STIL: variants seen among roughly 807,000 people sequenced by gnomAD.
STIL encodes STIL centriolar assembly protein, also known as SCL-interrupting locus protein.
In STIL, 55 loss-of-function variants were observed where a neutral mutation model predicts 110.1. That is an observed-to-expected ratio of 0.50 (90% confidence interval 0.40 to 0.63). STIL has a LOEUF of 0.63. STIL is among the 20% of genes least tolerant of loss of function. STIL has a pLI of 0.00. For synonymous variants in STIL, 481 were observed against 530.0 expected, an observed-to-expected ratio of 0.91 and a Z score of 1.27; for missense variants, 1,358 against 1,530.0, an observed-to-expected ratio of 0.89 and a Z score of 1.87.
At chr1:47,271,910 T>C (rs1557725123) in intron 13 of STIL, among the ~76,000 whole-genome samples, 166 bp downstream of exon 13, 1 of 152,154 alleles carries the variant, frequency 6.6e-6, no homozygotes, top group Non-Finnish European at 1.5e-5. Context: ...GCAGGTGTAG[T>C]TTTATTTCAC....
In STIL at chr1:47,289,501, A is replaced by G. The variant is rs767180130; in HGVS notation, c.957T>C (p.Cys319=). The G allele has an allele frequency of 2.0e-5, 32 of 1,613,760 alleles. No individual in the cohort carries two copies. Among genetic ancestry groups the G allele is most frequent in the Non-Finnish European group, 2.5e-5 (30 of 1,179,778 alleles). The change falls in exon 9 of 17, where the codon TGT becomes TGC. Residue 319 remains cysteine, a synonymous_variant. Transcript: ENST00000371877. The stretch of plus-strand genomic sequence containing the variant: ...ACCGAAAGTCAGGTATCTTGCCATC[A>G]CAAGGGAAGCATTCATAAAACTCAG... The part of the protein sequence containing the change: ...KEPEFYECFP[C]DGKIPDFRFQ...
chr1:47,301,406 G>A (rs1213158363), intron 5 of STIL, among the ~76,000 whole-genome samples, 155 bp downstream of exon 5: 1 of 152,036 alleles, frequency 6.6e-6, no homozygotes, highest in Non-Finnish European at 1.5e-5. Context: ...TAGAGTTTTT[G>A]CCCTCACAAA....
In STIL at chr1:47,265,254, A is replaced by AAAAAAAC. The variant is rs1412691079; in HGVS notation, c.2616-2145_2616-2139dup. On this transcript the variant is annotated intron_variant, in intron 14 of 16. Transcript: ENST00000371877. ...CCATCTCCCAAAAAAAAAAAAAAAA[A>AAAAAAAC]AAAAAACACAAGATTGGATATTTTT... Among the ~76,000 whole-genome samples, 5 of 150,930 alleles carry AAAAAAAC rather than the reference A, an allele frequency of 3.3e-5. 1 individual carries two copies. Among genetic ancestry groups the AAAAAAAC allele is most frequent in the Non-Finnish European group, 7.4e-5 (5 of 67,738 alleles).
chr1:47,263,476 G>A (rs1031693523), intron 14 of STIL, among the ~76,000 whole-genome samples: 2 of 152,188 alleles, frequency 1.3e-5, no homozygotes, highest in African/African-American at 2.4e-5. Context: ...CCAGGAATTC[G>A]AGGCTGCAGT....
chr1:47,289,894 C>T (rs991259086), intron 8 of STIL, among the ~76,000 whole-genome samples: 4 of 146,810 alleles, frequency 2.7e-5, no homozygotes, highest in South Asian at 4.3e-4. Context: ...GCCAAGATCG[C>T]GCCACTGCAC....
intron 9 of STIL, among the ~76,000 whole-genome samples, chr1:47,289,061 CAAAAAAAAAAAAAAA>C (rs371944423): frequency 2.4e-5 from 2 of 83,476 alleles, no homozygotes; most frequent in Non-Finnish European, 4.4e-5. Context: ...GATTCCATCT[CAAAAAAAAAAAAAAA>C]AAAAAAAAAA....
rs1265612895 is a variant in STIL at position 47,287,568 on chromosome 1, C to A, written c.1116G>T (p.Lys372Asn). ...AETEFFSKASKNFSIKRSSQK... is the reference protein window; with the variant it reads ...AETEFFSKASNNFSIKRSSQK... ...TCTTTTACCTCTTAATTGAAAAATTCTTGGAAGCCTTACTGAAAAACTCTG... is the reference window on the plus strand; with the variant it reads ...TCTTTTACCTCTTAATTGAAAAATTATTGGAAGCCTTACTGAAAAACTCTG... The change falls in exon 10 of 17, where the codon AAG becomes AAT. Residue 372 changes from lysine to asparagine, a missense_variant. By Grantham distance (94) the Lys-to-Asn change is moderately conservative. Transcript: ENST00000371877. The A allele has an allele frequency of 6.2e-7, 1 of 1,610,624 alleles. No homozygotes were observed. Among genetic ancestry groups the A allele is most frequent in the Non-Finnish European group, 8.5e-7 (1 of 1,178,514 alleles).
In STIL at chr1:47,263,091, C is replaced by A; in HGVS notation, c.2641G>T (p.Glu881Ter). 2 of 1,614,134 alleles carry A rather than the reference C, an allele frequency of 1.2e-6. No individual in the cohort carries two copies. Among genetic ancestry groups the A allele is most frequent in the Non-Finnish European group, 8.5e-7 (1 of 1,180,014 alleles). Residue 881 changes from glutamate (E) to a stop codon, truncating the protein, a stop_gained, in exon 15 of 17, where the codon GAA becomes TAA. Transcript: ENST00000371877. LOFTEE classifies it high-confidence loss of function. ...GGAAAGAACACAGGTACATCAGGTT[C>A]TTTTCTCACAACTAGAGAAGAGCTG... ...SNSSSLVVRK[E>*]PDVPVFFPSG...
chr1:47,272,171 A>T lies in STIL; in HGVS notation c.2288T>A (p.Val763Glu). ...SPKTTAVEDT[V>E]QAGRQMELVS... Reference sequence around the variant, plus strand: ...CAACTCCATTTGTCTTCCAGCTTGCACTGTGTCTTCAACAGCAGTTGTCTT... The same window carrying T: ...CAACTCCATTTGTCTTCCAGCTTGCTCTGTGTCTTCAACAGCAGTTGTCTT... Residue 763 changes from valine (V) to glutamate (E), a missense_variant, in exon 13 of 17, where the codon GTG becomes GAG. By Grantham distance (121) the Val-to-Glu change is moderately radical (BLOSUM62 -2). Coordinates refer to ENST00000371877, the MANE Select transcript of STIL (RefSeq NM_001048166.1). 1 of 1,614,204 alleles carries T rather than the reference A, an allele frequency of 6.2e-7. No individual in the cohort carries two copies. The highest frequency in any genetic ancestry group is 8.5e-7 in the Non-Finnish European group (1 of 1,180,026).
intron 10 of STIL, among the ~76,000 whole-genome samples, chr1:47,285,875 T>A (rs1050738429): frequency 1.3e-5 from 2 of 152,086 alleles, no homozygotes; most frequent in African/African-American, 4.8e-5. Flanking sequence ...TTTTTTTTTT[T>A]AGGTAGGAGT....
chr1:47,251,135 G>A lies in STIL; in HGVS notation c.*1C>T, dbSNP rs1167445856. On this transcript the variant is annotated 3_prime_UTR_variant, in exon 17 of 17. Transcript: ENST00000371877. ...TATTAAAAGGGCAGGGAGTTAAAAGGTTAAAATAATTTTGGTAACTGTCTG... is the reference window on the plus strand; with the variant it reads ...TATTAAAAGGGCAGGGAGTTAAAAGATTAAAATAATTTTGGTAACTGTCTG... 3.7e-6 allele frequency: 6 copies of A among 1,613,652 alleles called. No homozygotes were observed. The highest frequency in any genetic ancestry group is 5.1e-6 in the Non-Finnish European group (6 of 1,179,880).
At chr1:47,309,505 C>T (rs12410850) in intron 2 of STIL, among the ~76,000 whole-genome samples, 34,899 of 151,904 alleles carry the variant, frequency 0.23, 4,666 homozygotes, top group Non-Finnish European at 0.32. Flanking sequence ...AATACGATAG[C>T]CTCCTTGGGT....
chr1:47,264,044 C>T (rs1644565232), intron 14 of STIL, among the ~76,000 whole-genome samples: 1 of 152,146 alleles, frequency 6.6e-6, no homozygotes. Flanking sequence ...TGAGCCACTG[C>T]ACCTGGCCTC....
chr1:47,284,708 G>A (rs1318618407), intron 10 of STIL, among the ~76,000 whole-genome samples: 1 of 152,054 alleles, frequency 6.6e-6, no homozygotes, highest in Non-Finnish European at 1.5e-5. Context: ...TGGCCAACAT[G>A]GTGAAACCCC....
Position 47,280,661 on chromosome 1 carries a change from G to A in STIL, c.1797C>T (p.Ser599=). The A allele has an allele frequency of 6.2e-7, 1 of 1,614,200 alleles. No homozygotes were observed. The highest frequency in any genetic ancestry group is 8.5e-7 in the Non-Finnish European group (1 of 1,180,040). ...IPTPPLPSYC[S]TNVCRCCQHH... ...GCTGACAACACCTGCAAACGTTTGTGGAACAGTAAGATGGCAGTGGGGGAG... is the reference window on the plus strand; with the variant it reads ...GCTGACAACACCTGCAAACGTTTGTAGAACAGTAAGATGGCAGTGGGGGAG... Residue 599 remains serine, a synonymous_variant, in exon 12 of 17, where the codon TCC becomes TCT. Coordinates refer to ENST00000371877, the MANE Select transcript of STIL (RefSeq NM_001048166.1).
At chr1:47,290,757 T>C (rs1645462201) in intron 8 of STIL, among the ~76,000 whole-genome samples, 1 of 151,140 alleles carries the variant, frequency 6.6e-6, no homozygotes. Context: ...GCTAAAGACA[T>C]GACTAGGCAG....
intron 16 of STIL, among the ~76,000 whole-genome samples, chr1:47,257,465 G>T (rs1644360225): frequency 6.6e-6 from 1 of 152,168 alleles, no homozygotes; most frequent in Non-Finnish European, 1.5e-5. Flanking sequence ...TCATACTCCA[G>T]CCTGGGTGAC....
chr1:47,260,384 G>A lies in STIL; in HGVS notation c.2985C>T (p.Val995=). Residue 995 remains valine, a synonymous_variant, in exon 16 of 17, where the codon GTC becomes GTT. Transcript: ENST00000371877. Reference sequence around the variant, plus strand: ...TTAGTTGCTTAAGAGTTGCATTAAGGACACAATCTTTGTCCACCAGTCTTG... The same window carrying A: ...TTAGTTGCTTAAGAGTTGCATTAAGAACACAATCTTTGTCCACCAGTCTTG... ...HHSRLVDKDC[V]LNATLKQLRS... The A allele has an allele frequency of 6.2e-7, 1 of 1,614,104 alleles. No individual in the cohort carries two copies. The highest frequency in any genetic ancestry group is 1.1e-5 in the South Asian group (1 of 91,076).
intron 6 of STIL, 79 bp from the exon 7 acceptor site, chr1:47,295,927 A>G (rs1322748096): frequency 1.9e-6 from 2 of 1,072,096 alleles, no homozygotes; most frequent in Admixed American, 1.7e-5. Flanking sequence ...ATGCTGAAGC[A>G]TACTTTAGAA....
Sources: gnomAD v4.1 joint callset for allele counts (sites outside exome capture counted in the v4.1 genomes callset) on GRCh38, gnomAD v4.1.1 for gene constraint, MANE v1.5 for transcripts, NCBI Gene and HGNC (gene_info 2026-07-23, HGNC 2026-07-21) for gene names.